The following MCPH1 variants were observed in gnomAD, a reference collection of about 807,000 sequenced individuals.
The protein encoded by MCPH1 is microcephalin 1.
MCPH1 carries 104 observed loss-of-function variants against 84.5 expected under a neutral mutation model. That is an observed-to-expected ratio of 1.23 (90% confidence interval 1.05 to 1.45). The LOEUF (loss-of-function observed/expected upper bound fraction) is 1.45. Among genes scored for constraint, MCPH1 ranks in the 40% most tolerant of loss-of-function variants. MCPH1 has a pLI of 0.00. For synonymous variants in MCPH1, 514 were observed against 366.8 expected (o/e 1.40, Z -4.58); for missense variants, 1,498 against 1,005.7 (o/e 1.49, Z -6.62).
intron 12 of MCPH1, among the ~76,000 whole-genome samples, chr8:6,538,587 C>A (rs1213358563): frequency 2.0e-5 from 3 of 152,216 alleles, no homozygotes; most frequent in African/African-American, 7.2e-5. Context: ...GGCCTCATAC[C>A]ACGGCCGCCT....
chr8:6,438,834 A>G (rs1803056550), intron 5 of MCPH1, 119 bp from the exon 6 acceptor site: 2 of 828,414 alleles, frequency 2.4e-6, no homozygotes, highest in African/African-American at 3.3e-5. Flanking sequence ...GGAGTAGGTA[A>G]TGATGTTGAA....
At chr8:6,637,628 C>T (rs970016195) in intron 13 of MCPH1, among the ~76,000 whole-genome samples, 1 of 152,110 alleles carries the variant, frequency 6.6e-6, no homozygotes, top group Admixed American at 6.5e-5. Flanking sequence ...GAGGATTAGG[C>T]TGCGGTATAT....
In MCPH1 at chr8:6,436,172, G is replaced by A; in HGVS notation, c.436+10G>A. 1 of 1,611,856 alleles carries A rather than the reference G, an allele frequency of 6.2e-7. No homozygotes were observed. Among genetic ancestry groups the A allele is most frequent in the Non-Finnish European group, 8.5e-7 (1 of 1,179,122 alleles). On this transcript the variant is annotated intron_variant, in intron 5 of 13. Coordinates refer to ENST00000344683, the MANE Select transcript of MCPH1 (RefSeq NM_024596.5). ...CAAAAAACAAATCTAGGTAAGCTAA[G>A]AAATATAATACAGTTCTTTGCATTT... is the stretch of plus-strand genomic sequence containing the variant.
chr8:6,555,449 C>A (rs1021193773), intron 12 of MCPH1, among the ~76,000 whole-genome samples: 1 of 148,284 alleles, frequency 6.7e-6, no homozygotes, highest in Non-Finnish European at 1.5e-5. Context: ...ATTTGTTTTA[C>A]GGGGGGTGGT....
chr8:6,607,239 A>C (rs1207714240), intron 12 of MCPH1, among the ~76,000 whole-genome samples: 1 of 152,232 alleles, frequency 6.6e-6, no homozygotes, highest in Non-Finnish European at 1.5e-5. Context: ...CTGAAGACAC[A>C]GAGCACAGAG....
chr8:6,439,201 A>C, intron 6 of MCPH1, 105 bp downstream of exon 6: 1 of 1,188,014 alleles, frequency 8.4e-7, no homozygotes, highest in South Asian at 1.4e-5. Flanking sequence ...TCCTGGTAGT[A>C]ACACATTTTG....
intron 12 of MCPH1, among the ~76,000 whole-genome samples, chr8:6,564,951 A>C (rs1826027899): frequency 6.6e-6 from 1 of 152,254 alleles, no homozygotes; most frequent in African/African-American, 2.4e-5. Context: ...GCTGGAAGAC[A>C]TGCTCTGGAA....
intron 12 of MCPH1, among the ~76,000 whole-genome samples, chr8:6,549,382 C>CA (rs1417816591): frequency 1.3e-5 from 2 of 152,212 alleles, no homozygotes; most frequent in African/African-American, 4.8e-5. Context: ...ACATGACATT[C>CA]AAAACCTAGC....
intron 9 of MCPH1, among the ~76,000 whole-genome samples, chr8:6,472,087 T>A (rs1394941806): frequency 6.6e-6 from 1 of 152,204 alleles, no homozygotes; most frequent in Non-Finnish European, 1.5e-5. Context: ...TTAACCTTAT[T>A]TTAAAAGAAC....
rs780097456 is a variant in MCPH1 at position 6,592,015 on chromosome 8, G to A, written c.2215-29439G>A. Reference sequence around the variant, plus strand: ...AAGTGAGAGTGGGAAACCATGTGAAGCTCTGTTAGAGTATCATCACTAATC... The same window carrying A: ...AAGTGAGAGTGGGAAACCATGTGAAACTCTGTTAGAGTATCATCACTAATC... On this transcript the variant is annotated intron_variant, in intron 12 of 13. Transcript: ENST00000344683. Among the ~76,000 whole-genome samples the A allele has an allele frequency of 3.9e-5, 6 of 152,276 alleles. No individual in the cohort carries two copies. The South Asian group carries it at 8.3e-4, about 21-fold the overall frequency.
At chr8:6,531,609 G>T (rs894254851) in intron 12 of MCPH1, among the ~76,000 whole-genome samples, 1 of 152,058 alleles carries the variant, frequency 6.6e-6, no homozygotes, top group African/African-American at 2.4e-5. Flanking sequence ...GACTATTTCA[G>T]TCTTCTTTCT....
At chr8:6,554,630 G>A (rs991623539) in intron 12 of MCPH1, among the ~76,000 whole-genome samples, 1 of 152,162 alleles carries the variant, frequency 6.6e-6, no homozygotes, top group Non-Finnish European at 1.5e-5. Context: ...TGAATATTTT[G>A]TGGTGGTAAG....
chr8:6,609,187 G>A (rs537149921), intron 12 of MCPH1, among the ~76,000 whole-genome samples: 6 of 151,934 alleles, frequency 3.9e-5, no homozygotes, highest in African/African-American at 1.2e-4. Context: ...GCATTTTATC[G>A]TAATATTGAA....
chr8:6,460,728 A>T (rs1307246098), intron 9 of MCPH1, among the ~76,000 whole-genome samples: 1 of 151,844 alleles, frequency 6.6e-6, no homozygotes, highest in African/African-American at 2.4e-5. Flanking sequence ...GACTGAGATG[A>T]TCTGGAGCTG....
chr8:6,622,649 G>C (rs1586841975), intron 13 of MCPH1, among the ~76,000 whole-genome samples: 1 of 152,188 alleles, frequency 6.6e-6, no homozygotes, highest in African/African-American at 2.4e-5. Flanking sequence ...CTAAGATGGG[G>C]TATCGGCAGC....
At chr8:6,442,840 A>C (rs993904108) in intron 7 of MCPH1, among the ~76,000 whole-genome samples, 1 of 152,242 alleles carries the variant, frequency 6.6e-6, no homozygotes, top group African/African-American at 2.4e-5. Context: ...AGCCACAGCA[A>C]TGACAAAGCG....
chr8:6,489,655 A>C (rs189506069), intron 11 of MCPH1, among the ~76,000 whole-genome samples: 1 of 152,340 alleles, frequency 6.6e-6, no homozygotes, highest in Non-Finnish European at 1.5e-5. Context: ...ATTCCTAGAC[A>C]TAATGCTGCT....
chr8:6,567,446 G>A (rs1047208237), intron 12 of MCPH1, among the ~76,000 whole-genome samples: 1 of 152,214 alleles, frequency 6.6e-6, no homozygotes, highest in Non-Finnish European at 1.5e-5. Flanking sequence ...TCAGCCTTCT[G>A]TGTGGCTGCT....
chr8:6,552,546 C>T (rs1466690945), intron 12 of MCPH1, among the ~76,000 whole-genome samples: 1 of 152,132 alleles, frequency 6.6e-6, no homozygotes, highest in Non-Finnish European at 1.5e-5. Context: ...TAACCTTTAA[C>T]TAATGTGAGA....
Sources: gnomAD v4.1 joint callset for allele counts (sites outside exome capture counted in the v4.1 genomes callset) on GRCh38, gnomAD v4.1.1 for gene constraint, MANE v1.5 for transcripts, NCBI Gene and HGNC (gene_info 2026-07-23, HGNC 2026-07-21) for gene names.